IGF1: variants seen among roughly 807,000 people sequenced by gnomAD.
The protein encoded by IGF1 is insulin like growth factor 1.
A neutral mutation model predicts 13.8 loss-of-function variants in IGF1; 4 were observed. The ratio of observed to expected loss-of-function variants is 0.29; its 90% CI spans 0.14 to 0.66. IGF1 has a LOEUF of 0.66. Ranked by LOEUF, IGF1 falls within the 30% of genes least tolerant of loss-of-function variation. The probability of loss-of-function intolerance (pLI) is 0.78; values close to 1 mark genes in which losing one functional copy is unlikely to be tolerated. For synonymous variants in IGF1, 76 were observed against 72.6 expected (o/e 1.05, Z -0.23); for missense variants, 124 against 188.5 (o/e 0.66, Z 2.00).
At chr12:102,461,479 T>C (rs1461668702) in intron 2 of IGF1, among the ~76,000 whole-genome samples, 1 of 152,218 alleles carries the variant, frequency 6.6e-6, no homozygotes, top group Non-Finnish European at 1.5e-5. Flanking sequence ...AGAAATAATA[T>C]TAGAATCTGG....
At chr12:102,458,612 C>G (rs143254896) in intron 2 of IGF1, among the ~76,000 whole-genome samples, 2,219 of 150,536 alleles carry the variant, frequency 0.015, 37 homozygotes, top group Non-Finnish European at 0.025. Flanking sequence ...ACAATTAATT[C>G]CATGCAGACA....
chr12:102,397,230 A>C lies in IGF1; in HGVS notation c.*5277T>G, dbSNP rs1161137727. On this transcript the variant is annotated 3_prime_UTR_variant, in exon 4 of 4. Coordinates refer to ENST00000337514, the MANE Select transcript of IGF1 (RefSeq NM_000618.5). ...AAAAGGAAAAAAAAAAAGAGGGAACACGTGAAATATATGTTTTCAGTGAGG... is the reference window on the plus strand; with the variant it reads ...AAAAGGAAAAAAAAAAAGAGGGAACCCGTGAAATATATGTTTTCAGTGAGG... 6.0e-6 allele frequency: 1 copy of C among 166,316 alleles called. No individual in the cohort carries two copies. 10.3% of individuals were successfully genotyped at this position (166,316 alleles called of 1,614,324 possible).
intron 2 of IGF1, among the ~76,000 whole-genome samples, chr12:102,448,799 GCTC>G (rs1335997060): frequency 6.6e-6 from 1 of 150,400 alleles, no homozygotes; most frequent in East Asian, 2.0e-4. Context: ...TGAAAAAAAA[GCTC>G]ATCATCACTG....
intron 2 of IGF1, among the ~76,000 whole-genome samples, chr12:102,453,777 T>C (rs1745740611): frequency 6.6e-6 from 1 of 152,182 alleles, no homozygotes; most frequent in Admixed American, 6.5e-5. Flanking sequence ...TCAGGTACCA[T>C]GCGTGCTTGA....
In IGF1 at chr12:102,455,964, T is replaced by G. The variant is rs139742669; in HGVS notation, c.220+19679A>C. 2.1e-3 allele frequency among the ~76,000 whole-genome samples: 318 copies of G among 152,298 alleles called. 6 individuals are homozygous for G. In the East Asian group the frequency reaches 0.041, roughly 19 times the overall value. On this transcript the variant is annotated intron_variant, in intron 2 of 3. Transcript: ENST00000337514. ...AAAATATGGCTCCATATCAGGCAGG[T>G]GCTCAGCAGCGATGGCTTATGGCCC...
At chr12:102,411,089 A>C (rs1043272870) in intron 3 of IGF1, among the ~76,000 whole-genome samples, 4 of 152,222 alleles carry the variant, frequency 2.6e-5, no homozygotes, top group Admixed American at 2.0e-4. Flanking sequence ...AAGAAAACAT[A>C]TTATTATTTA....
At chr12:102,477,447 C>T (rs1406831426) in intron 1 of IGF1, among the ~76,000 whole-genome samples, 1 of 151,698 alleles carries the variant, frequency 6.6e-6, no homozygotes, top group African/African-American at 2.4e-5. Context: ...CTGCATTTTT[C>T]TCAACAAGAT....
chr12:102,416,936 C>A (rs1211738027), intron 3 of IGF1, among the ~76,000 whole-genome samples: 1 of 152,068 alleles, frequency 6.6e-6, no homozygotes, highest in African/African-American at 2.4e-5. Flanking sequence ...GGTGTTGTTT[C>A]ACACAGAGGA....
intron 2 of IGF1, among the ~76,000 whole-genome samples, chr12:102,458,687 C>A (rs763136310): frequency 2.4e-5 from 3 of 125,156 alleles, no homozygotes; most frequent in South Asian, 5.2e-4. Flanking sequence ...ATAGCCCTCA[C>A]CTTTGCAGAG....
intron 2 of IGF1, among the ~76,000 whole-genome samples, chr12:102,439,567 G>A (rs898935503): frequency 2.6e-5 from 4 of 152,134 alleles, no homozygotes; most frequent in African/African-American, 9.7e-5. Flanking sequence ...TGAGGCGGGT[G>A]TATGTAGAGA....
chr12:102,416,317 T>C (rs1875137195), intron 3 of IGF1, among the ~76,000 whole-genome samples: 1 of 152,210 alleles, frequency 6.6e-6, no homozygotes, highest in African/African-American at 2.4e-5. Flanking sequence ...TGCTTTATTA[T>C]CTATGAAGAC....
chr12:102,444,620 A>T (rs997114313), intron 2 of IGF1, among the ~76,000 whole-genome samples: 1 of 152,082 alleles, frequency 6.6e-6, no homozygotes, highest in African/African-American at 2.4e-5. Context: ...TGATGACAAA[A>T]TCATATCTCA....
chr12:102,433,028 A>G (rs1876879667), intron 2 of IGF1, among the ~76,000 whole-genome samples: 1 of 152,174 alleles, frequency 6.6e-6, no homozygotes, highest in African/African-American at 2.4e-5. Flanking sequence ...GAGAGTTTGC[A>G]TCCTAAATAA....
At chr12:102,441,820 A>G (rs1877741958) in intron 2 of IGF1, among the ~76,000 whole-genome samples, 1 of 152,012 alleles carries the variant, frequency 6.6e-6, no homozygotes, top group South Asian at 2.1e-4. Flanking sequence ...AAGTTTATTT[A>G]TTTGTCTCAG....
At chr12:102,447,469 C>T (rs1403518131) in intron 2 of IGF1, among the ~76,000 whole-genome samples, 2 of 152,102 alleles carry the variant, frequency 1.3e-5, no homozygotes, top group African/African-American at 4.8e-5. Context: ...GATCCCTTTA[C>T]CATTATGTCA....
At position 102,401,785 on chromosome 12, in the gene IGF1, CAT is replaced by C. The variant is rs1211124621; in HGVS notation, c.*720_*721del. On this transcript the variant is annotated 3_prime_UTR_variant, in exon 4 of 4. Coordinates refer to ENST00000337514, the MANE Select transcript of IGF1 (RefSeq NM_000618.5). ...TTGAAGAAACTTTCTATGTTTAAAA[CAT>C]ATGCCTAAAAATGATTGGCCTCAAA... The C allele has an allele frequency of 6.6e-6, 1 of 152,636 alleles. No individual in the cohort carries two copies. Among genetic ancestry groups the C allele is most frequent in the Non-Finnish European group, 1.5e-5 (1 of 68,038 alleles). The allele number at this position is 152,636 out of a possible 1,614,324, so 9.5% of individuals were successfully genotyped here.
chr12:102,445,142 T>C (rs1878203593), intron 2 of IGF1, among the ~76,000 whole-genome samples: 1 of 151,926 alleles, frequency 6.6e-6, no homozygotes, highest in African/African-American at 2.4e-5. Flanking sequence ...TACCGTAGAC[T>C]TGTAGTATAG....
In IGF1 at chr12:102,400,640, A is replaced by G; in HGVS notation, c.*1867T>C. 1 of 152,338 alleles carries G rather than the reference A, an allele frequency of 6.6e-6. No individual in the cohort carries two copies. The allele number at this position is 152,338 out of a possible 1,614,324, so 9.4% of individuals were successfully genotyped here. Reference sequence around the variant, plus strand: ...TGACTTTTTATTAGATATTATTTTAATATTTCAAATTTTGGATCACTTTCC... The same window carrying G: ...TGACTTTTTATTAGATATTATTTTAGTATTTCAAATTTTGGATCACTTTCC... On this transcript the variant is annotated 3_prime_UTR_variant, in exon 4 of 4. Coordinates refer to ENST00000337514, the MANE Select transcript of IGF1 (RefSeq NM_000618.5).
chr12:102,440,218 TG>T (rs1189209575), intron 2 of IGF1, among the ~76,000 whole-genome samples: 3 of 152,180 alleles, frequency 2.0e-5, no homozygotes, highest in African/African-American at 7.2e-5. Flanking sequence ...CTCTTCTGAA[TG>T]GGAAGGAAAC....
Sources: gnomAD v4.1 joint callset for allele counts (sites outside exome capture counted in the v4.1 genomes callset) on GRCh38, gnomAD v4.1.1 for gene constraint, MANE v1.5 for transcripts, NCBI Gene and HGNC (gene_info 2026-07-23, HGNC 2026-07-21) for gene names.